The following TMC1 variants were observed in gnomAD, a reference collection of about 807,000 sequenced individuals.
TMC1 encodes transmembrane channel-like protein 1.
In TMC1, 84 loss-of-function variants were observed where a neutral mutation model predicts 105.8. The ratio of observed to expected loss-of-function variants is 0.79; its 90% CI spans 0.67 to 0.95. The LOEUF (loss-of-function observed/expected upper bound fraction) is 0.95, where lower values mean the gene tolerates loss of function less well. Among genes scored for constraint, TMC1 ranks in the 40% least tolerant of loss-of-function variants. TMC1 has a pLI of 0.00. For missense variants in TMC1, 817 were observed against 914.1 expected (o/e 0.89, Z 1.37); for synonymous variants, 315 against 311.5 (o/e 1.01, Z -0.12).
chr9:72,549,608 A>ATT (rs71357585), intron 1 of TMC1, among the ~76,000 whole-genome samples: 6 of 120,822 alleles, frequency 5.0e-5, no homozygotes, highest in East Asian at 2.4e-4. Flanking sequence ...ACATCTGGCT[A>ATT]TTTTTTTTTT....
chr9:72,795,157 CATCCCTGA>C (rs751025637), intron 17 of TMC1, among the ~76,000 whole-genome samples: 35 of 152,322 alleles, frequency 2.3e-4, no homozygotes, highest in South Asian at 8.3e-4. Context: ...GAATCACTGG[CATCCCTGA>C]AAGGGATGGG....
intron 1 of TMC1, among the ~76,000 whole-genome samples, chr9:72,560,316 C>T (rs577832569): frequency 3.9e-4 from 60 of 152,314 alleles, no homozygotes; most frequent in African/African-American, 1.3e-3. Context: ...GGATGTACCA[C>T]GAAATTCCAC....
chr9:72,674,455 TA>T (rs1469024730), intron 5 of TMC1, among the ~76,000 whole-genome samples: 1 of 152,222 alleles, frequency 6.6e-6, no homozygotes, highest in African/African-American at 2.4e-5. Context: ...AGACAATTTC[TA>T]GGTCATGAGA....
intron 23 of TMC1, 39 bp from the exon 24 acceptor site, chr9:72,835,912 C>G (rs199614940): frequency 2.8e-6 from 4 of 1,436,370 alleles, no homozygotes; most frequent in Middle Eastern, 1.8e-4. Flanking sequence ...TCTCTCTCTC[C>G]TTGTTTTTTT....
chr9:72,704,958 G>T (rs1042416770), intron 8 of TMC1, among the ~76,000 whole-genome samples: 2 of 151,464 alleles, frequency 1.3e-5, no homozygotes, highest in East Asian at 3.9e-4. Context: ...GAGTTGGAGG[G>T]GGGTAAGGGA....
At chr9:72,693,405 G>A (rs1454990082) in intron 6 of TMC1, among the ~76,000 whole-genome samples, 2 of 152,156 alleles carry the variant, frequency 1.3e-5, no homozygotes, top group East Asian at 3.9e-4. Flanking sequence ...TACAAATGAA[G>A]GCAAAGTTGT....
intron 20 of TMC1, among the ~76,000 whole-genome samples, chr9:72,823,965 CATG>C (rs1485245271): frequency 2.0e-5 from 3 of 152,214 alleles, no homozygotes; most frequent in African/African-American, 7.2e-5. Context: ...GCCTTTCATG[CATG>C]ATTTTTCATA....
At chr9:72,681,630 T>G (rs1242014113) in intron 5 of TMC1, among the ~76,000 whole-genome samples, 1 of 152,174 alleles carries the variant, frequency 6.6e-6, no homozygotes, top group Non-Finnish European at 1.5e-5. Context: ...TTAATTATAA[T>G]TTCACGTACA....
At chr9:72,776,976 C>T (rs920146343) in intron 13 of TMC1, among the ~76,000 whole-genome samples, 7 of 151,908 alleles carry the variant, frequency 4.6e-5, no homozygotes, top group African/African-American at 1.7e-4. Flanking sequence ...AGTTTTATGG[C>T]CTTGATGTGA....
At chr9:72,705,128 A>G (rs1826714713) in intron 8 of TMC1, among the ~76,000 whole-genome samples, 1 of 152,180 alleles carries the variant, frequency 6.6e-6, no homozygotes, top group Non-Finnish European at 1.5e-5. Context: ...TCCTACCTAT[A>G]AGAGGTCGCA....
intron 23 of TMC1, among the ~76,000 whole-genome samples, chr9:72,833,350 TTGAG>T (rs951752615): frequency 1.3e-5 from 2 of 152,222 alleles, no homozygotes; most frequent in African/African-American, 4.8e-5. Flanking sequence ...CTGCTATTTA[TTGAG>T]TTATACTCTC....
intron 5 of TMC1, among the ~76,000 whole-genome samples, chr9:72,667,235 G>A (rs1826057822): frequency 6.6e-6 from 1 of 152,174 alleles, no homozygotes; most frequent in Non-Finnish European, 1.5e-5. Flanking sequence ...AGTAAGGTGA[G>A]AGTGGCAAAG....
chr9:72,762,473 G>A (rs1827772205), intron 12 of TMC1, among the ~76,000 whole-genome samples: 2 of 152,250 alleles, frequency 1.3e-5, no homozygotes, highest in African/African-American at 4.8e-5. Flanking sequence ...AGTTTCAACA[G>A]GTTTCAAATG....
intron 1 of TMC1, among the ~76,000 whole-genome samples, chr9:72,533,027 A>C (rs1823525499): frequency 6.6e-6 from 1 of 152,192 alleles, no homozygotes; most frequent in Non-Finnish European, 1.5e-5. Flanking sequence ...CTTAGCATAC[A>C]TGTAGGAGCT....
intron 5 of TMC1, among the ~76,000 whole-genome samples, chr9:72,660,345 C>A (rs941206933): frequency 6.6e-6 from 1 of 152,136 alleles, no homozygotes; most frequent in Admixed American, 6.5e-5. Flanking sequence ...TCCTTGAACT[C>A]TACATTCAGG....
intron 1 of TMC1, among the ~76,000 whole-genome samples, chr9:72,549,309 C>T (rs1306471389): frequency 6.6e-6 from 1 of 152,142 alleles, no homozygotes; most frequent in Non-Finnish European, 1.5e-5. Flanking sequence ...GTTGCCCAGG[C>T]TGGCCTTGAA....
intron 5 of TMC1, among the ~76,000 whole-genome samples, chr9:72,676,396 C>T (rs1313191982): frequency 6.6e-6 from 1 of 152,140 alleles, no homozygotes; most frequent in Non-Finnish European, 1.5e-5. Context: ...TGGTATGTGT[C>T]AAAGCATTTG....
chr9:72,671,290 C>A (rs181929550), intron 5 of TMC1, among the ~76,000 whole-genome samples: 1 of 152,270 alleles, frequency 6.6e-6, no homozygotes, highest in East Asian at 1.9e-4. Flanking sequence ...TGTTTCTTTT[C>A]TCTGGGTATA....
At chr9:72,586,869 G>A (rs182471697) in intron 2 of TMC1, among the ~76,000 whole-genome samples, 12 of 152,318 alleles carry the variant, frequency 7.9e-5, no homozygotes, top group African/African-American at 2.6e-4. Context: ...TGCTACACAG[G>A]AGTATCTATT....
Sources: allele counts gnomAD v4.1 joint callset (sites outside exome capture counted in the v4.1 genomes callset), GRCh38; gene constraint gnomAD v4.1.1; transcripts MANE v1.5; gene names NCBI Gene and HGNC (gene_info 2026-07-23, HGNC 2026-07-21).